Variants in REEP1 observed in about 807,000 individuals in gnomAD.
The protein encoded by REEP1 is receptor accessory protein 1.
REEP1 carries 22 observed loss-of-function variants against 40.3 expected under a neutral mutation model. The observed-to-expected ratio is 0.55, with a 90% CI of 0.39 to 0.78. The LOEUF is 0.78. REEP1 is among the 30% of genes least tolerant of loss of function. REEP1 has a pLI of 0.00. For missense variants in REEP1, 280 were observed against 361.1 expected, an observed-to-expected ratio of 0.78 and a Z score of 1.82; for synonymous variants, 116 against 139.2, an observed-to-expected ratio of 0.83 and a Z score of 1.17.
At chr2:86,335,626 G>A (rs548938254) in intron 1 of REEP1, among the ~76,000 whole-genome samples, 1 of 152,190 alleles carries the variant, frequency 6.6e-6, no homozygotes, top group South Asian at 2.1e-4. Context: ...CGAAGCGGGC[G>A]GATCACTAGG....
intron 1 of REEP1, among the ~76,000 whole-genome samples, chr2:86,316,313 C>T (rs1416225335): frequency 6.6e-6 from 1 of 151,740 alleles, no homozygotes; most frequent in Non-Finnish European, 1.5e-5. Context: ...CTGAGGCAGA[C>T]GGATCACCTG....
intron 2 of REEP1, among the ~76,000 whole-genome samples, chr2:86,275,981 CAG>C (rs1236608998): frequency 1.1e-4 from 17 of 152,230 alleles, no homozygotes; most frequent in African/African-American, 4.1e-4. Flanking sequence ...TGCTCACCAA[CAG>C]GTCCCACAGC....
intron 7 of REEP1, among the ~76,000 whole-genome samples, chr2:86,224,513 T>C (rs1386472491): frequency 1.3e-5 from 2 of 152,164 alleles, no homozygotes; most frequent in Non-Finnish European, 2.9e-5. Context: ...GGGAATGGTG[T>C]AGGCCAATCA....
chr2:86,275,716 C>A (rs1052641221), intron 2 of REEP1, among the ~76,000 whole-genome samples: 1 of 152,242 alleles, frequency 6.6e-6, no homozygotes, highest in African/African-American at 2.4e-5. Context: ...TGGCCTGGTG[C>A]TTCCCCATGT....
chr2:86,253,185 G>A (rs1328866538), intron 4 of REEP1, among the ~76,000 whole-genome samples: 4 of 152,174 alleles, frequency 2.6e-5, no homozygotes, highest in South Asian at 2.1e-4. Flanking sequence ...GGAGGCTGAG[G>A]CAGGAGAATT....
intron 2 of REEP1, among the ~76,000 whole-genome samples, chr2:86,270,052 T>A (rs929772758): frequency 6.6e-6 from 1 of 152,154 alleles, no homozygotes; most frequent in Non-Finnish European, 1.5e-5. Flanking sequence ...AAAGAAGATA[T>A]ACAGATATAC....
intron 2 of REEP1, among the ~76,000 whole-genome samples, chr2:86,273,600 AT>A (rs1286587315): frequency 1.3e-5 from 2 of 151,792 alleles, no homozygotes; most frequent in African/African-American, 2.4e-5. Context: ...GCCCCTAATT[AT>A]TTTCATCAAA....
chr2:86,232,602 A>T, intron 6 of REEP1, 23 bp downstream of exon 6: 2 of 1,610,760 alleles, frequency 1.2e-6, no homozygotes. Context: ...AGTGGGAAAG[A>T]GGGGAAGTAA....
Position 86,337,615 on chromosome 2 carries a change from C to A in REEP1, c.-105G>T. 2.7e-6 allele frequency: 3 copies of A among 1,122,624 alleles called. No individual in the cohort carries two copies. Among genetic ancestry groups the A allele is most frequent in the Middle Eastern group, 3.8e-4 (1 of 2,634 alleles). The allele number at this position is 1,122,624 out of a possible 1,614,324, so 69.5% of individuals were successfully genotyped here. On this transcript the variant is annotated 5_prime_UTR_variant, in exon 1 of 9. Transcript: ENST00000538924. This position sits in a 1 kb window ranked among gnomAD's most constrained non-coding sequence, Gnocchi z 5.8. ...GGAACGTCAGTCAGCTCACGGCAGC[C>A]GCCGCCAGACTGAGCGCGCCCGCCG...
chr2:86,232,491 G>T (rs1675073921), intron 6 of REEP1, 134 bp downstream of exon 6: 1 of 1,099,730 alleles, frequency 9.1e-7, no homozygotes, highest in Non-Finnish European at 1.3e-6. Flanking sequence ...GACCTGGCAT[G>T]ATCTGATGGA....
intron 8 of REEP1, among the ~76,000 whole-genome samples, chr2:86,219,330 C>A (rs1334638681): frequency 6.6e-6 from 1 of 152,002 alleles, no homozygotes; most frequent in Non-Finnish European, 1.5e-5. Context: ...CCAAAACAGT[C>A]AATTTGGGTT....
intron 1 of REEP1, among the ~76,000 whole-genome samples, chr2:86,303,741 G>C (rs1033545066): frequency 5.3e-5 from 8 of 152,156 alleles, no homozygotes; most frequent in Admixed American, 3.9e-4. Context: ...GCAGGGATTT[G>C]GTAGGTTCTG....
intron 2 of REEP1, chr2:86,280,128 C>G (rs916850231): frequency 4.5e-6 from 2 of 442,900 alleles, no homozygotes; most frequent in Non-Finnish European, 9.1e-6. Flanking sequence ...CTCTCTTGAA[C>G]AAAATGGGCG....
chr2:86,232,487 G>T, intron 6 of REEP1, 138 bp downstream of exon 6: 1 of 1,069,020 alleles, frequency 9.4e-7, no homozygotes, highest in Non-Finnish European at 1.4e-6. Context: ...GGCTGACCTG[G>T]CATGATCTGA....
intron 2 of REEP1, among the ~76,000 whole-genome samples, chr2:86,280,732 G>C (rs994685132): frequency 6.6e-6 from 1 of 152,136 alleles, no homozygotes; most frequent in Non-Finnish European, 1.5e-5. Context: ...CCCTGCTTAC[G>C]AACAGCAAGG....
chr2:86,258,074 C>T (rs373563100), intron 3 of REEP1, among the ~76,000 whole-genome samples: 12 of 152,324 alleles, frequency 7.9e-5, no homozygotes, highest in African/African-American at 2.6e-4. Context: ...TAACTATCAG[C>T]GCTTCAGTGC....
intron 1 of REEP1, among the ~76,000 whole-genome samples, chr2:86,307,007 C>A (rs1264181676): frequency 6.6e-6 from 1 of 151,916 alleles, no homozygotes; most frequent in African/African-American, 2.4e-5. Flanking sequence ...GAGTTCGAGA[C>A]CAGCCTGGTC....
intron 2 of REEP1, among the ~76,000 whole-genome samples, chr2:86,270,336 A>G (rs1025487300): frequency 6.6e-6 from 1 of 152,132 alleles, no homozygotes; most frequent in Non-Finnish European, 1.5e-5. Flanking sequence ...AGCTGGGACT[A>G]CAGGCATGCG....
At chr2:86,297,187 T>A (rs1573003598) in intron 1 of REEP1, among the ~76,000 whole-genome samples, 1 of 152,080 alleles carries the variant, frequency 6.6e-6, no homozygotes, top group Non-Finnish European at 1.5e-5. Flanking sequence ...GTGACGAGGG[T>A]GTGGCCCCTG....
Sources: allele counts gnomAD v4.1 joint callset (sites outside exome capture counted in the v4.1 genomes callset), GRCh38; gene constraint gnomAD v4.1.1; non-coding constraint Gnocchi (gnomAD v3.1); transcripts MANE v1.5; gene names NCBI Gene and HGNC (gene_info 2026-07-23, HGNC 2026-07-21).